IFT74: variants seen among roughly 807,000 people sequenced by gnomAD.
IFT74 encodes intraflagellar transport 74, also known as intraflagellar transport protein 74 homolog.
In IFT74, 92 loss-of-function variants were observed where a neutral mutation model predicts 96.7. That is an observed-to-expected ratio of 0.95 (90% CI 0.80 to 1.13). IFT74 has a LOEUF of 1.13. IFT74 is among the 50% of genes most tolerant of loss of function. IFT74 has a pLI of 0.00. For missense variants in IFT74, 811 were observed against 698.2 expected (o/e 1.16, Z -1.82); for synonymous variants, 223 against 213.2 (o/e 1.05, Z -0.40).
rs1485909004 is a variant in IFT74, at chr9:26,972,924, TATGAGAATATCATCCAC to T, written c.121-5201_121-5185del. Among the ~76,000 whole-genome samples the T allele has an allele frequency of 5.3e-5, 8 of 152,334 alleles. No individual in the cohort carries two copies. In the East Asian group the frequency reaches 1.5e-3, roughly 29 times the overall value. On this transcript the variant is annotated intron_variant, in intron 2 of 19. Transcript: ENST00000380062. Reference sequence around the variant, plus strand: ...CCACTTTTTTTATATCTTCACCAGATATGAGAATATCATCCACATACTGAAGCAGGCATATTTGCTTT... The same window carrying T: ...CCACTTTTTTTATATCTTCACCAGATATACTGAAGCAGGCATATTTGCTTT...
intron 8 of IFT74, among the ~76,000 whole-genome samples, chr9:26,992,828 T>C (rs1014199263): frequency 3.3e-5 from 5 of 152,138 alleles, no homozygotes; most frequent in Admixed American, 6.5e-5. Context: ...CTACACAGAG[T>C]GACCAAGAAA....
chr9:27,047,377 T>C lies in IFT74; in HGVS notation c.1206+6T>C. ...TCTTGGAGCACTGCAGTCGAGTGAGTACCATGTGCCTGTCTTGGTGTCCTC... is the reference window on the plus strand; with the variant it reads ...TCTTGGAGCACTGCAGTCGAGTGAGCACCATGTGCCTGTCTTGGTGTCCTC... On this transcript the variant is annotated splice_donor_region_variant and intron_variant, in intron 15 of 19. Coordinates refer to ENST00000380062, the MANE Select transcript of IFT74 (RefSeq NM_025103.4). The C allele has an allele frequency of 6.4e-7, 1 of 1,571,648 alleles. No individual in the cohort carries two copies. The highest frequency in any genetic ancestry group is 8.7e-7 in the Non-Finnish European group (1 of 1,146,312).
intron 12 of IFT74, among the ~76,000 whole-genome samples, chr9:27,023,168 T>C (rs535007955): frequency 6.6e-6 from 1 of 152,310 alleles, no homozygotes; most frequent in African/African-American, 2.4e-5. Flanking sequence ...TTTTTCTGAT[T>C]GCTCTAGCTA....
chr9:26,950,578 A>G (rs1004620785), intron 1 of IFT74, among the ~76,000 whole-genome samples: 1 of 152,190 alleles, frequency 6.6e-6, no homozygotes, highest in Non-Finnish European at 1.5e-5. Flanking sequence ...AAACGACAAC[A>G]ACAAAAAACT....
chr9:26,969,407 G>A (rs1315557578), intron 2 of IFT74, among the ~76,000 whole-genome samples: 1 of 151,636 alleles, frequency 6.6e-6, no homozygotes, highest in African/African-American at 2.4e-5. Flanking sequence ...TGGTAGTGTG[G>A]AATACCTTTT....
intron 4 of IFT74, among the ~76,000 whole-genome samples, chr9:26,982,698 G>A (rs1372766453): frequency 6.6e-6 from 1 of 151,902 alleles, no homozygotes; most frequent in East Asian, 1.9e-4. Flanking sequence ...CAGGTGATCT[G>A]CCCACCTTGG....
chr9:26,992,916 T>G (rs1027078178), intron 8 of IFT74, among the ~76,000 whole-genome samples: 2 of 152,166 alleles, frequency 1.3e-5, no homozygotes, highest in Non-Finnish European at 2.9e-5. Flanking sequence ...TTTAGTGTGG[T>G]CTGACCATCT....
In IFT74 at chr9:26,967,884, T is replaced by C. The variant is rs73433990; in HGVS notation, c.120+5797T>C. Reference sequence around the variant, plus strand: ...CAGTCTGATGGTATGATTTATCACATTGATTGATTTGCACATGTTGAACTA... The same window carrying C: ...CAGTCTGATGGTATGATTTATCACACTGATTGATTTGCACATGTTGAACTA... On this transcript the variant is annotated intron_variant, in intron 2 of 19. Coordinates refer to ENST00000380062, the MANE Select transcript of IFT74 (RefSeq NM_025103.4). Among the ~76,000 whole-genome samples the C allele has an allele frequency of 4.3e-3, 659 of 152,310 alleles. 5 individuals are homozygous for C. The highest frequency in any genetic ancestry group is 0.015 in the African/African-American group (616 of 41,572).
chr9:26,957,895 G>A (rs767816544), intron 1 of IFT74, among the ~76,000 whole-genome samples: 3 of 151,590 alleles, frequency 2.0e-5, no homozygotes, highest in Non-Finnish European at 2.9e-5. Flanking sequence ...CTGGGACTAC[G>A]CCCGCCACCA....
Position 26,976,822 on chromosome 9 carries a change from C to A in IFT74, c.121-1306C>A, listed in dbSNP as rs1233986438. 30 of 455,198 alleles carry A rather than the reference C, an allele frequency of 6.6e-5. No homozygotes were observed. The Admixed American group carries it at 6.8e-4, about 10-fold the overall frequency. The allele number at this position is 455,198 out of a possible 1,614,324, so 28.2% of individuals were successfully genotyped here. A position where few individuals can be genotyped will look rare whatever the true frequency, so the allele number is the denominator to read the frequency against. On this transcript the variant is annotated intron_variant, in intron 2 of 19. Coordinates refer to ENST00000380062, the MANE Select transcript of IFT74 (RefSeq NM_025103.4). ...AACTGACATAAAGGGAGTCTTTTGG[C>A]CTTTCCTGAGGTCGTATAGTGTTAT...
chr9:27,025,443 C>CAAAAAAAAAAAAAA (rs57335230), intron 12 of IFT74, among the ~76,000 whole-genome samples: 19 of 77,670 alleles, frequency 2.4e-4, no homozygotes, highest in African/African-American at 3.1e-4. Flanking sequence ...ACTCCATCTC[C>CAAAAAAAAAAAAAA]AAAAAAAAAA....
chr9:26,996,204 G>T, intron 8 of IFT74: 1 of 718,780 alleles, frequency 1.4e-6, no homozygotes, highest in Non-Finnish European at 2.0e-6. Flanking sequence ...TTGAGATGAG[G>T]AATCTTTCTT....
intron 16 of IFT74, among the ~76,000 whole-genome samples, chr9:27,053,580 G>C (rs999520850): frequency 6.6e-6 from 1 of 152,056 alleles, no homozygotes; most frequent in Admixed American, 6.6e-5. Flanking sequence ...GCAACTTCAC[G>C]GCATATCAGA....
intron 8 of IFT74, among the ~76,000 whole-genome samples, chr9:27,002,369 G>A (rs915235938): frequency 6.6e-6 from 1 of 152,216 alleles, no homozygotes; most frequent in Non-Finnish European, 1.5e-5. Flanking sequence ...GTGAAGGTGG[G>A]CTGAGTCCGA....
chr9:27,026,024 A>T (rs1300273906), intron 12 of IFT74, among the ~76,000 whole-genome samples: 1 of 152,210 alleles, frequency 6.6e-6, no homozygotes, highest in East Asian at 1.9e-4. Flanking sequence ...CAAATGCTCC[A>T]CTTAAATATA....
At chr9:27,013,059 G>T (rs1333327651) in intron 10 of IFT74, among the ~76,000 whole-genome samples, 2 of 152,090 alleles carry the variant, frequency 1.3e-5, no homozygotes, top group African/African-American at 4.8e-5. Flanking sequence ...AGAACTACTG[G>T]AAAGACATTT....
chr9:26,980,118 T>C (rs1827305987), intron 3 of IFT74, among the ~76,000 whole-genome samples: 1 of 152,220 alleles, frequency 6.6e-6, no homozygotes, highest in African/African-American at 2.4e-5. Flanking sequence ...GAGTAATGTC[T>C]GCAGTGTCCA....
intron 1 of IFT74, among the ~76,000 whole-genome samples, chr9:26,959,334 C>T (rs1826254710): frequency 1.3e-5 from 2 of 152,142 alleles, no homozygotes; most frequent in Non-Finnish European, 2.9e-5. Flanking sequence ...TGGTCTCGAT[C>T]TCCTGACTTC....
intron 8 of IFT74, chr9:26,994,818 A>C (rs1828060136): frequency 6.6e-6 from 1 of 152,618 alleles, no homozygotes. Flanking sequence ...GTATTTTTAA[A>C]ACAAGATTTA....
Sources: gnomAD v4.1 joint callset for allele counts (sites outside exome capture counted in the v4.1 genomes callset) on GRCh38, gnomAD v4.1.1 for gene constraint, MANE v1.5 for transcripts, NCBI Gene and HGNC (gene_info 2026-07-23, HGNC 2026-07-21) for gene names.